ATP6V1E2: variants seen among roughly 807,000 people sequenced by gnomAD.
ATP6V1E2 encodes the protein V-type proton ATPase subunit E 2.
For synonymous variants in ATP6V1E2, 121 were observed against 104.2 expected (o/e 1.16, Z -0.98); for missense variants, 308 against 273.3 (o/e 1.13, Z -0.90).
intron 2 of ATP6V1E2, among the ~76,000 whole-genome samples, 190 bp downstream of exon 2, chr2:46,541,200 C>T (rs1253771701): frequency 2.6e-5 from 4 of 152,196 alleles, no homozygotes; most frequent in Admixed American, 6.5e-5. Flanking sequence ...TAGCAGAGGC[C>T]GGTCTTGAAC....
In ATP6V1E2 at chr2:46,542,424, C is replaced by T. The variant is rs1667831319; in HGVS notation, c.-581G>A. On this transcript the variant is annotated 5_prime_UTR_variant, in exon 1 of 5. In the 5' UTR this introduces an upstream ATG that the reference lacks. Coordinates refer to ENST00000522587, the MANE Select transcript of ATP6V1E2 (RefSeq NM_001318063.2). The stretch of plus-strand genomic sequence containing the variant: ...TGGACGCTTCCGGGCGCTGCGGGCA[C>T]TTGCGCGAGGAGCCCTCGGCTCCCC... 1 of 151,328 alleles carries T rather than the reference C, an allele frequency of 6.6e-6. No homozygotes were observed. Among genetic ancestry groups the T allele is most frequent in the Admixed American group, 6.6e-5 (1 of 15,216 alleles). 9.4% of individuals were successfully genotyped at this position (151,328 alleles called of 1,614,324 possible).
At chr2:46,524,730 C>T (rs967832700) in intron 4 of ATP6V1E2, among the ~76,000 whole-genome samples, 3 of 152,146 alleles carry the variant, frequency 2.0e-5, no homozygotes, top group Non-Finnish European at 2.9e-5. Flanking sequence ...AAGTAAGACA[C>T]TGGATGGGGA....
At chr2:46,537,637 C>T (rs1667516842) in intron 2 of ATP6V1E2, 1 of 151,832 alleles carries the variant, frequency 6.6e-6, no homozygotes, top group African/African-American at 2.4e-5. Flanking sequence ...GAAGCTTGGA[C>T]TGCTTCTGGA....
rs937212218 is a variant in ATP6V1E2, at chr2:46,542,273, G to C, written c.-430C>G. On this transcript the variant is annotated 5_prime_UTR_variant, in exon 1 of 5. It adds an upstream start codon to the 5' untranslated region. Coordinates refer to ENST00000522587, the MANE Select transcript of ATP6V1E2 (RefSeq NM_001318063.2). The stretch of plus-strand genomic sequence containing the variant: ...CCGTTGTGCACTTAGAGGCCGAGAG[G>C]ATGGCTCTGGCCTTCCGGGTGGAGG... 4.6e-5 allele frequency: 7 copies of C among 151,706 alleles called. No homozygotes were observed. Among genetic ancestry groups the C allele is most frequent in the Admixed American group, 3.3e-4 (5 of 15,256 alleles). 9.4% of individuals were successfully genotyped at this position (151,706 alleles called of 1,614,324 possible). A position where few individuals can be genotyped will look rare whatever the true frequency, so the allele number is the denominator to read the frequency against.
intron 4 of ATP6V1E2, among the ~76,000 whole-genome samples, chr2:46,520,917 T>A (rs1294657475): frequency 1.3e-5 from 2 of 151,986 alleles, no homozygotes; most frequent in African/African-American, 2.4e-5. Context: ...GACAAGTACA[T>A]GAAACGGCAA....
intron 4 of ATP6V1E2, among the ~76,000 whole-genome samples, chr2:46,531,504 T>C (rs1205487176): frequency 6.6e-6 from 1 of 152,242 alleles, no homozygotes; most frequent in Non-Finnish European, 1.5e-5. Context: ...GCACATGTAT[T>C]TATTTGAGGA....
intron 4 of ATP6V1E2, among the ~76,000 whole-genome samples, chr2:46,528,385 C>G (rs532972331): frequency 6.6e-6 from 1 of 152,348 alleles, no homozygotes; most frequent in South Asian, 2.1e-4. Flanking sequence ...ATTCACCCCC[C>G]AAAATAGCCC....
intron 4 of ATP6V1E2, chr2:46,534,484 C>T (rs961440288): frequency 1.3e-5 from 2 of 151,672 alleles, no homozygotes; most frequent in African/African-American, 2.4e-5. Context: ...TGTCTGCTAA[C>T]GTTATTATCT....
chr2:46,525,545 G>A (rs1666876799), intron 4 of ATP6V1E2, among the ~76,000 whole-genome samples: 1 of 151,500 alleles, frequency 6.6e-6, no homozygotes, highest in Non-Finnish European at 1.5e-5. Flanking sequence ...GAGAAGGCAA[G>A]GGCGAGAGAG....
chr2:46,522,362 T>C (rs924192333), intron 4 of ATP6V1E2, among the ~76,000 whole-genome samples: 3 of 151,310 alleles, frequency 2.0e-5, no homozygotes, highest in Non-Finnish European at 4.4e-5. Context: ...TTTGCTGCAC[T>C]TATTGACCCA....
chr2:46,542,090 C>T (rs917780956), intron 1 of ATP6V1E2, 127 bp downstream of exon 1: 3 of 152,108 alleles, frequency 2.0e-5, no homozygotes, highest in Non-Finnish European at 2.9e-5. Context: ...ATGATTAAAG[C>T]TCGTGCTACG....
At chr2:46,537,292 C>T (rs904108836) in intron 2 of ATP6V1E2, 11 of 152,298 alleles carry the variant, frequency 7.2e-5, no homozygotes, top group African/African-American at 2.4e-4. Context: ...TAGGATAGTC[C>T]CAACTCCTTG....
rs771011162 is a variant in ATP6V1E2, at chr2:46,512,014, C to T, written c.*17G>A. 15 of 1,547,938 alleles carry T rather than the reference C, an allele frequency of 9.7e-6. No homozygotes were observed. Among genetic ancestry groups the T allele is most frequent in the Admixed American group, 2.1e-5 (1 of 48,092 alleles). ...TTATGGTTTAGTGGTTCAACACTAG[C>T]TTCACTTCCCAGAGGCTTATATAAA... On this transcript the variant is annotated 3_prime_UTR_variant, in exon 5 of 5. Transcript: ENST00000522587.
intron 2 of ATP6V1E2, among the ~76,000 whole-genome samples, chr2:46,536,939 C>T (rs1022523867): frequency 1.3e-5 from 2 of 152,088 alleles, no homozygotes; most frequent in Non-Finnish European, 2.9e-5. Context: ...CCCGCCACCA[C>T]GCCTGGCTAA....
intron 4 of ATP6V1E2, among the ~76,000 whole-genome samples, chr2:46,523,633 G>C (rs1666750163): frequency 6.6e-6 from 1 of 152,200 alleles, no homozygotes; most frequent in Non-Finnish European, 1.5e-5. Context: ...GGTTACTGTA[G>C]CCTTGTAGCA....
At chr2:46,523,970 G>C (rs1346163558) in intron 4 of ATP6V1E2, among the ~76,000 whole-genome samples, 3 of 152,046 alleles carry the variant, frequency 2.0e-5, no homozygotes, top group Non-Finnish European at 2.9e-5. Context: ...TGTGTTCCTA[G>C]GTATTTTATT....
At chr2:46,532,682 A>T (rs1667240829) in intron 4 of ATP6V1E2, among the ~76,000 whole-genome samples, 1 of 152,150 alleles carries the variant, frequency 6.6e-6, no homozygotes, top group Admixed American at 6.5e-5. Flanking sequence ...ATGTGAGGTC[A>T]TAGTGTTTGT....
chr2:46,535,937 A>T lies in ATP6V1E2; in HGVS notation c.-216-10T>A, dbSNP rs7581638. 4.0e-4 allele frequency: 61 copies of T among 152,382 alleles called. 1 individual carries two copies. Among genetic ancestry groups the T allele is most frequent in the Middle Eastern group, 3.4e-3 (1 of 294 alleles). The allele number at this position is 152,382 out of a possible 1,614,324, so 9.4% of individuals were successfully genotyped here. ...TCTGGCACTCTTGGTTCTGAAACAT[A>T]AAATAAAATCATTAATTTCATTTTT... is the stretch of plus-strand genomic sequence containing the variant. On this transcript the variant is annotated splice_polypyrimidine_tract_variant and intron_variant, in intron 3 of 4. Coordinates refer to ENST00000522587, the MANE Select transcript of ATP6V1E2 (RefSeq NM_001318063.2). This position sits in a 1 kb window ranked among gnomAD's most constrained non-coding sequence, Gnocchi z 4.4.
intron 2 of ATP6V1E2, among the ~76,000 whole-genome samples, chr2:46,540,807 A>G (rs1163035284): frequency 6.6e-6 from 1 of 152,026 alleles, no homozygotes; most frequent in East Asian, 1.9e-4. Flanking sequence ...AGCTCTAAGT[A>G]TTCCTGGCAG....
Sources: allele counts gnomAD v4.1 joint callset (sites outside exome capture counted in the v4.1 genomes callset), GRCh38; gene constraint gnomAD v4.1.1; non-coding constraint Gnocchi (gnomAD v3.1); transcripts MANE v1.5; gene names NCBI Gene and HGNC (gene_info 2026-07-23, HGNC 2026-07-21).